PRKAG2: variants seen among roughly 807,000 people sequenced by gnomAD.
PRKAG2 encodes protein kinase AMP-activated non-catalytic subunit gamma 2, also known as 5'-AMP-activated protein kinase subunit gamma-2.
PRKAG2 carries 26 observed loss-of-function variants against 69.6 expected under a neutral mutation model. The ratio of observed to expected loss-of-function variants is 0.37; its 90% confidence interval spans 0.27 to 0.52. PRKAG2 has a LOEUF of 0.52. PRKAG2 is among the 20% of genes least tolerant of loss of function. The probability of loss-of-function intolerance (pLI) is 0.90; values close to 1 mark genes in which losing one functional copy is unlikely to be tolerated. For missense variants in PRKAG2, 557 were observed against 740.0 expected (o/e 0.75, Z 2.87); for synonymous variants, 293 against 285.0 (o/e 1.03, Z -0.28).
At chr7:151,642,701 CAG>C (rs1826936116) in intron 4 of PRKAG2, among the ~76,000 whole-genome samples, 1 of 152,184 alleles carries the variant, frequency 6.6e-6, no homozygotes, top group African/African-American at 2.4e-5. Context: ...AGTATCTTTT[CAG>C]AGAGAGTAGC....
At chr7:151,604,098 T>C (rs1816897458) in intron 5 of PRKAG2, among the ~76,000 whole-genome samples, 1 of 152,146 alleles carries the variant, frequency 6.6e-6, no homozygotes, top group Admixed American at 6.5e-5. Context: ...TTAGACTTTC[T>C]GGCAGGTCCT....
At chr7:151,749,408 CAGT>C (rs1387087068) in intron 3 of PRKAG2, among the ~76,000 whole-genome samples, 1 of 152,178 alleles carries the variant, frequency 6.6e-6, no homozygotes, top group Non-Finnish European at 1.5e-5. Flanking sequence ...AGTAAGCGTT[CAGT>C]GTCTACATGG....
At chr7:151,594,270 T>C (rs1211064942) in intron 6 of PRKAG2, among the ~76,000 whole-genome samples, 4 of 152,354 alleles carry the variant, frequency 2.6e-5, no homozygotes, top group South Asian at 2.1e-4. Context: ...CATAAACCCA[T>C]GAATTCTTGG....
intron 15 of PRKAG2, chr7:151,558,059 G>A (rs1203294822): frequency 1.3e-5 from 13 of 985,326 alleles, no homozygotes; most frequent in East Asian, 1.1e-4. Flanking sequence ...GAAAGAGATC[G>A]GCAATCTATT....
chr7:151,620,007 C>T (rs914793762), intron 5 of PRKAG2, among the ~76,000 whole-genome samples: 1 of 151,864 alleles, frequency 6.6e-6, no homozygotes, highest in Admixed American at 6.6e-5. Context: ...GGTGACAGAG[C>T]GAGACTCCGT....
At chr7:151,738,809 T>G (rs1171804485) in intron 3 of PRKAG2, among the ~76,000 whole-genome samples, 1 of 152,252 alleles carries the variant, frequency 6.6e-6, no homozygotes, top group Admixed American at 6.5e-5. Flanking sequence ...AGACCCCTGA[T>G]TTCCCACTTC....
chr7:151,598,097 A>C (rs2151149717), intron 5 of PRKAG2, among the ~76,000 whole-genome samples: 1 of 152,338 alleles, frequency 6.6e-6, no homozygotes, highest in African/African-American at 2.4e-5. Context: ...GAAACGTGGT[A>C]CCTATAAACA....
At chr7:151,750,460 G>A (rs1366663129) in intron 3 of PRKAG2, among the ~76,000 whole-genome samples, 4 of 152,164 alleles carry the variant, frequency 2.6e-5, no homozygotes, top group Non-Finnish European at 4.4e-5. Context: ...AAAGTAGATC[G>A]ACTTTCAAAA....
chr7:151,857,675 G>T (rs746210771), intron 1 of PRKAG2, among the ~76,000 whole-genome samples: 15 of 152,220 alleles, frequency 9.9e-5, no homozygotes, highest in Non-Finnish European at 2.2e-4. Flanking sequence ...ACACAGCTGT[G>T]TGGGGATGAA....
intron 1 of PRKAG2, among the ~76,000 whole-genome samples, chr7:151,868,203 A>G (rs1307384150): frequency 6.6e-6 from 1 of 152,220 alleles, no homozygotes; most frequent in African/African-American, 2.4e-5. Flanking sequence ...AAGGACAGGG[A>G]TTAAATTATT....
intron 3 of PRKAG2, among the ~76,000 whole-genome samples, chr7:151,776,559 A>G (rs1395188900): frequency 1.3e-5 from 2 of 152,222 alleles, no homozygotes; most frequent in Non-Finnish European, 2.9e-5. Context: ...CTGTGTCCCA[A>G]GGGAGGGCCC....
chr7:151,742,120 C>G (rs1365330948), intron 3 of PRKAG2, among the ~76,000 whole-genome samples: 2 of 152,140 alleles, frequency 1.3e-5, no homozygotes, highest in Non-Finnish European at 2.9e-5. Context: ...ATGGACTTGT[C>G]CCCTCATGTG....
At chr7:151,691,645 T>G (rs1227866681) in intron 3 of PRKAG2, among the ~76,000 whole-genome samples, 2 of 152,162 alleles carry the variant, frequency 1.3e-5, no homozygotes, top group East Asian at 3.8e-4. Context: ...CCAGCTAACG[T>G]CTACAAAAAC....
In PRKAG2 at chr7:151,781,387, G is replaced by A. The variant is rs757007148; in HGVS notation, c.231C>T (p.Phe77=). The A allele has an allele frequency of 3.1e-6, 5 of 1,612,390 alleles. No individual in the cohort carries two copies. Among genetic ancestry groups the A allele is most frequent in the Non-Finnish European group, 4.2e-6 (5 of 1,179,410 alleles). The change falls in exon 3 of 16, where the codon TTC becomes TTT. Residue 77 remains phenylalanine (F), a synonymous_variant. Coordinates refer to ENST00000287878, the MANE Select transcript of PRKAG2 (RefSeq NM_016203.4). The surrounding 1 kb of genome is among the most constrained non-coding windows in gnomAD (Gnocchi z 6.1). ...AGGGCCGGGGCTGGGGGCCTCTGGA[G>A]AAGAACCCTTTGGAGGGGCTGCCCG... ...FGPGSPSKGF[F]SRGPQPRPSS...
At chr7:151,845,387 G>A (rs558056722) in intron 1 of PRKAG2, among the ~76,000 whole-genome samples, 1 of 152,214 alleles carries the variant, frequency 6.6e-6, no homozygotes, top group South Asian at 2.1e-4. Flanking sequence ...GACCAGCAGC[G>A]TCCTTGTCAA....
intron 1 of PRKAG2, among the ~76,000 whole-genome samples, chr7:151,858,807 C>G (rs542187033): frequency 1.3e-5 from 2 of 152,212 alleles, no homozygotes; most frequent in Non-Finnish European, 1.5e-5. Flanking sequence ...TCAGCAAGCA[C>G]CTGCTATGCA....
intron 4 of PRKAG2, among the ~76,000 whole-genome samples, chr7:151,660,457 C>T (rs925917214): frequency 1.7e-4 from 26 of 152,210 alleles, no homozygotes; most frequent in African/African-American, 6.3e-4. Context: ...GCAATACAAC[C>T]TCTATCCAAT....
chr7:151,834,448 T>A (rs1303893432), intron 1 of PRKAG2, among the ~76,000 whole-genome samples: 5 of 152,220 alleles, frequency 3.3e-5, no homozygotes, highest in African/African-American at 1.2e-4. Flanking sequence ...CCTGGGAGCC[T>A]CTGGCCACGT....
At chr7:151,760,954 G>A (rs1020610485) in intron 3 of PRKAG2, among the ~76,000 whole-genome samples, 4 of 152,304 alleles carry the variant, frequency 2.6e-5, no homozygotes, top group Middle Eastern at 3.4e-3. Context: ...AAAAATAACT[G>A]AAAGGAGGCT....
Sources: allele counts gnomAD v4.1 joint callset (sites outside exome capture counted in the v4.1 genomes callset), GRCh38; gene constraint gnomAD v4.1.1; non-coding constraint Gnocchi (gnomAD v3.1); transcripts MANE v1.5; gene names NCBI Gene and HGNC (gene_info 2026-07-23, HGNC 2026-07-21).